The following NAV1 variants were observed in gnomAD, a reference collection of about 807,000 sequenced individuals.
NAV1 encodes the protein neuron navigator 1.
Under a neutral mutation model 175.2 loss-of-function variants are expected in NAV1, and 18 were observed. The observed-to-expected ratio is 0.10, with a 90% CI of 0.07 to 0.15. The LOEUF (loss-of-function observed/expected upper bound fraction) is 0.15. Ranked by LOEUF, NAV1 falls within the 10% of genes least tolerant of loss-of-function variation. NAV1 has a pLI of 1.00. For synonymous variants in NAV1, 897 were observed against 978.7 expected (o/e 0.92, Z 1.56); for missense variants, 1,731 against 2,436.6 (o/e 0.71, Z 6.10).
At chr1:201,796,548 G>C (rs533940732) in intron 15 of NAV1, 2 of 152,224 alleles carry the variant, frequency 1.3e-5, no homozygotes, top group Non-Finnish European at 2.9e-5. Flanking sequence ...GGCTAGTCTC[G>C]AACTCCTGAC....
chr1:201,561,508 A>G (rs1416915353), intron 1 of NAV1, among the ~76,000 whole-genome samples: 1 of 152,206 alleles, frequency 6.6e-6, no homozygotes, highest in African/African-American at 2.4e-5. Context: ...GGTAATTGTG[A>G]GAATTAAAGA....
At chr1:201,690,051 C>G in intron 1 of NAV1, among the ~76,000 whole-genome samples, 1 of 136,136 alleles carries the variant, frequency 7.3e-6, no homozygotes, top group Middle Eastern at 4.3e-3. Flanking sequence ...GTGTCTATTT[C>G]CTCCATGGCC....
In NAV1 at chr1:201,783,789, C is replaced by T. The variant is rs775675489; in HGVS notation, c.2741C>T (p.Pro914Leu). 55 of 1,613,982 alleles carry T rather than the reference C, an allele frequency of 3.4e-5. No homozygotes were observed. The highest frequency in any genetic ancestry group is 4.7e-5 in the Non-Finnish European group (55 of 1,180,030). Residue 914 changes from proline (P) to leucine (L), a missense_variant, in exon 7 of 30, where the codon CCC becomes CTC. By Grantham distance (98) the Pro-to-Leu change is moderately conservative. Coordinates refer to ENST00000367296, the Ensembl canonical transcript of NAV1. ...ACCCCACCTGCTCCCCCTGCTGCTC[C>T]CACAGAAGAAGAGACGGAAGAGCTG...
chr1:201,568,220 AAGCCCCTTGCCC>A (rs1158273853), intron 1 of NAV1, among the ~76,000 whole-genome samples: 1 of 152,152 alleles, frequency 6.6e-6, no homozygotes, highest in Non-Finnish European at 1.5e-5. Flanking sequence ...GCATCAGAGC[AAGCCCCTTGCCC>A]AGTTTTAGTC....
rs768833696 is a variant in NAV1, at chr1:201,813,106, C to G, written c.5222-34C>G. ...CACACAACCGGGAAGATCTAGGTTCCCAGCCATCTTCATGGCCCCATCCTC... is the reference window on the plus strand; with the variant it reads ...CACACAACCGGGAAGATCTAGGTTCGCAGCCATCTTCATGGCCCCATCCTC... On this transcript the variant is annotated intron_variant, in intron 27 of 29. Coordinates refer to ENST00000367296, the Ensembl canonical transcript of NAV1. This position sits in a 1 kb window ranked among gnomAD's most constrained non-coding sequence, Gnocchi z 4.2. 1.3e-5 allele frequency: 20 copies of G among 1,496,988 alleles called. No individual in the cohort carries two copies. Among genetic ancestry groups the G allele is most frequent in the Non-Finnish European group, 1.8e-5 (19 of 1,075,638 alleles). The allele number at this position is 1,496,988 out of a possible 1,614,324, so 92.7% of individuals were successfully genotyped here.
intron 15 of NAV1, chr1:201,795,263 T>G (rs1677368201): frequency 6.6e-6 from 1 of 152,212 alleles, no homozygotes; most frequent in South Asian, 2.1e-4. Context: ...CCCCCCTTAG[T>G]TAAGAAAATG....
upstream of NAV1, chr1:201,622,746 T>G (rs1668211473): frequency 1.2e-6 from 1 of 837,828 alleles, no homozygotes; most frequent in East Asian, 1.2e-4. Flanking sequence ...GTGCCCAGTC[T>G]GGGTGCTCGA....
chr1:201,731,375 C>T (rs1033789315), intron 3 of NAV1, among the ~76,000 whole-genome samples: 1 of 152,024 alleles, frequency 6.6e-6, no homozygotes, highest in Non-Finnish European at 1.5e-5. Context: ...CAGACAGGCA[C>T]AGAGAGTGTC....
Position 201,819,082 on chromosome 1 carries a change from C to T in NAV1, c.5539-755C>T, listed in dbSNP as rs555791866. On this transcript the variant is annotated intron_variant, in intron 29 of 29. Coordinates refer to ENST00000367296, the Ensembl canonical transcript of NAV1. ...TATTTAGACTTGACATGAAGCAACA[C>T]GGTTGGTAAGCTGGAGAGAAATAGG... Among the ~76,000 whole-genome samples, 5 of 152,228 alleles carry T rather than the reference C, an allele frequency of 3.3e-5. No individual in the cohort carries two copies. In the South Asian group the frequency reaches 1.0e-3, roughly 32 times the overall value.
At chr1:201,804,348 T>G (rs1678139904) in intron 16 of NAV1, 141 bp from the exon 21 acceptor site, 1 of 804,020 alleles carries the variant, frequency 1.2e-6, no homozygotes, top group African/African-American at 1.7e-5. Flanking sequence ...GTCCTGCTCC[T>G]CTGTCCCCTG....
intron 1 of NAV1, among the ~76,000 whole-genome samples, chr1:201,627,351 C>T (rs945335537): frequency 2.0e-5 from 3 of 152,092 alleles, no homozygotes; most frequent in African/African-American, 7.2e-5. Flanking sequence ...CGGCTCACTG[C>T]AACATCCACC....
intron 2 of NAV1, among the ~76,000 whole-genome samples, chr1:201,714,588 T>C (rs1028511489): frequency 1.3e-5 from 2 of 152,136 alleles, no homozygotes; most frequent in Admixed American, 1.3e-4. Flanking sequence ...CCATCCCTCA[T>C]AGCCCCAAGC....
At chr1:201,780,611 C>A (rs751830773) in intron 4 of NAV1, 52 bp downstream of exon 8, 3 of 1,610,244 alleles carry the variant, frequency 1.9e-6, no homozygotes, top group South Asian at 1.1e-5. Flanking sequence ...AACCACAGGG[C>A]AAATGGCATT....
chr1:201,720,567 G>A (rs1444356403), intron 3 of NAV1, among the ~76,000 whole-genome samples: 1 of 152,216 alleles, frequency 6.6e-6, no homozygotes, highest in Non-Finnish European at 1.5e-5. Context: ...AGACGTCGCA[G>A]TCTGAGGAAG....
intron 1 of NAV1, among the ~76,000 whole-genome samples, chr1:201,703,805 CAGAG>C (rs1055234066): frequency 9.2e-5 from 14 of 152,126 alleles, no homozygotes; most frequent in African/African-American, 3.1e-4. Flanking sequence ...CAGCTCGCTG[CAGAG>C]AGAGGCTGCC....
chr1:201,775,572 A>G (rs1005539627), intron 3 of NAV1, among the ~76,000 whole-genome samples: 1 of 152,232 alleles, frequency 6.6e-6, no homozygotes, highest in Non-Finnish European at 1.5e-5. Context: ...CAGAAGGTCT[A>G]TAACACGAAG....
exon 7 of NAV1, chr1:201,783,548 G>A: frequency 1.2e-6 from 2 of 1,614,108 alleles, no homozygotes; most frequent in Non-Finnish European, 1.7e-6. Context: ...CTCAGCATCT[G>A]GGGGCCCTCT....
At position 201,810,226 on chromosome 1, in the gene NAV1, T is replaced by A; in HGVS notation, c.4561+121T>A. ...TGAGAAGGTATAATATGAAGATGCTTAAGTAATGTGAGATATAAAAAGATG... is the reference window on the plus strand; with the variant it reads ...TGAGAAGGTATAATATGAAGATGCTAAAGTAATGTGAGATATAAAAAGATG... On this transcript the variant is annotated intron_variant, in intron 23 of 29. Transcript: ENST00000367296. This position sits in a 1 kb window ranked among gnomAD's most constrained non-coding sequence, Gnocchi z 6.0. 1.5e-6 allele frequency: 2 copies of A among 1,335,030 alleles called. No homozygotes were observed. Among genetic ancestry groups the A allele is most frequent in the Non-Finnish European group, 2.1e-6 (2 of 975,164 alleles). The allele number at this position is 1,335,030 out of a possible 1,614,324, so 82.7% of individuals were successfully genotyped here.
intron 2 of NAV1, among the ~76,000 whole-genome samples, chr1:201,631,986 G>A (rs554598473): frequency 1.8e-4 from 28 of 152,238 alleles, no homozygotes; most frequent in African/African-American, 5.5e-4. Context: ...TGGTTGTAGA[G>A]CTCTAAAATT....
Sources: gnomAD v4.1 joint callset for allele counts (sites outside exome capture counted in the v4.1 genomes callset) on GRCh38, gnomAD v4.1.1 for gene constraint, Gnocchi (gnomAD v3.1) non-coding constraint, MANE v1.5 for transcripts, NCBI Gene and HGNC (gene_info 2026-07-23, HGNC 2026-07-21) for gene names.